DNAH10: variants seen among roughly 807,000 people sequenced by gnomAD.
DNAH10 encodes the protein axonemal beta dynein heavy chain 10.
In DNAH10, 348 loss-of-function variants were observed where a neutral mutation model predicts 506.6. The ratio of observed to expected loss-of-function variants is 0.69; its 90% CI spans 0.63 to 0.75. The LOEUF (loss-of-function observed/expected upper bound fraction) is 0.75, where lower values mean the gene tolerates loss of function less well. Ranked by LOEUF, DNAH10 falls within the 30% of genes least tolerant of loss-of-function variation. The probability of loss-of-function intolerance (pLI) is 0.00; values close to 1 mark genes in which losing one functional copy is unlikely to be tolerated. For synonymous variants in DNAH10, 2,059 were observed against 2,198.6 expected (o/e 0.94, Z 1.78); for missense variants, 5,179 against 5,787.1 (o/e 0.89, Z 3.41).
chr12:123,787,827 G>T lies in DNAH10; in HGVS notation c.1445G>T (p.Ser482Ile). The T allele has an allele frequency of 6.2e-7, 1 of 1,614,030 alleles. No homozygotes were observed. Among genetic ancestry groups the T allele is most frequent in the African/African-American group, 1.3e-5 (1 of 75,076 alleles). The change falls in exon 10 of 79, where the codon AGC becomes ATC. Residue 482 changes from serine to isoleucine, a missense_variant. This residue lies in a region of DNAH10 where 4,844 missense variants were observed against 5,430.5 expected (regional missense o/e 0.89). Coordinates refer to ENST00000673944, the MANE Select transcript of DNAH10 (RefSeq NM_001372106.1). This position sits in a 1 kb window ranked among gnomAD's most constrained non-coding sequence, Gnocchi z 4.6. ...AGAGAAAATCGAGCGAGTGCCCAAA[G>T]CAAAACCTTGGAAGCCAGGAACACC... ...LFKENRASAQ[S>I]KTLEARNTLR...
rs1360796054 is a variant in DNAH10 at position 123,881,798 on chromosome 12, C to T, written c.8808C>T (p.Phe2936=). The change falls in exon 51 of 79, where the codon TTC becomes TTT. Residue 2936 remains phenylalanine, a synonymous_variant. Coordinates refer to ENST00000673944, the MANE Select transcript of DNAH10 (RefSeq NM_001372106.1). ...AGTCTCTTTCGAGGCTGGCTGCCTTCACAGCCAGCTGTGAGGTCAGTCCAC... is the reference window on the plus strand; with the variant it reads ...AGTCTCTTTCGAGGCTGGCTGCCTTTACAGCCAGCTGTGAGGTCAGTCCAC... ...GKQSLSRLAA[F]TASCEVFEIL... 1 of 1,513,084 alleles carries T rather than the reference C, an allele frequency of 6.6e-7. No homozygotes were observed. Among genetic ancestry groups the T allele is most frequent in the Admixed American group, 2.5e-5 (1 of 40,370 alleles). The allele number at this position is 1,513,084 out of a possible 1,614,324, so 93.7% of individuals were successfully genotyped here.
In DNAH10 at chr12:123,785,893, G is replaced by A. The variant is rs778959839; in HGVS notation, c.1378G>A (p.Ala460Thr). 16 of 1,613,954 alleles carry A rather than the reference G, an allele frequency of 9.9e-6. No homozygotes were observed. Among genetic ancestry groups the A allele is most frequent in the East Asian group, 4.5e-5 (2 of 44,886 alleles). Residue 460 changes from alanine to threonine, a missense_variant, in exon 9 of 79, where the codon GCT (alanine) becomes ACT (threonine). Physicochemically the swap from Ala to Thr is moderately conservative, Grantham distance 58. This residue lies in a region of DNAH10 where 4,844 missense variants were observed against 5,430.5 expected (regional missense o/e 0.89). Coordinates refer to ENST00000673944, the MANE Select transcript of DNAH10 (RefSeq NM_001372106.1). This position sits in a 1 kb window ranked among gnomAD's most constrained non-coding sequence, Gnocchi z 4.1. ...PLMERIAWEI[A>T]ERVCRVVNLR... is the part of the protein sequence containing the mutation. ...CATGGAGCGCATCGCCTGGGAAATC[G>A]CTGAGAGAGTCTGCCGAGTGGTCAA...
intron 1 of DNAH10, among the ~76,000 whole-genome samples, chr12:123,766,908 CTTTT>C (rs374930458): frequency 7.3e-6 from 1 of 137,922 alleles, no homozygotes; most frequent in Admixed American, 7.3e-5. Flanking sequence ...TTTCTTTTTT[CTTTT>C]TTTTTTTTTT....
chr12:123,898,601 G>A, intron 55 of DNAH10, 52 bp from the exon 56 acceptor site: 1 of 1,448,844 alleles, frequency 6.9e-7, no homozygotes. Flanking sequence ...CAGTGATTGT[G>A]TTGCGAACAG....
intron 10 of DNAH10, among the ~76,000 whole-genome samples, chr12:123,788,824 G>C (rs1207447773): frequency 7.0e-6 from 1 of 142,534 alleles, no homozygotes; most frequent in East Asian, 2.1e-4. Flanking sequence ...CACTCAGAAG[G>C]CTGAGGTGGC....
chr12:123,832,968 A>C (rs752611659), intron 26 of DNAH10, 146 bp from the exon 27 acceptor site: 1 of 636,240 alleles, frequency 1.6e-6, no homozygotes, highest in Non-Finnish European at 2.8e-6. Context: ...AATTATTACC[A>C]TGACAGAATC....
intron 59 of DNAH10, among the ~76,000 whole-genome samples, chr12:123,910,918 A>G (rs1043202647): frequency 3.3e-5 from 5 of 152,054 alleles, no homozygotes; most frequent in African/African-American, 1.2e-4. Flanking sequence ...TAGTATAAAG[A>G]TGTTCAGACC....
intron 6 of DNAH10, 135 bp from the exon 7 acceptor site, chr12:123,782,972 A>G: frequency 1.5e-6 from 1 of 662,678 alleles, no homozygotes; most frequent in Non-Finnish European, 2.6e-6. Context: ...TACAGATATT[A>G]TCAGGACAGG....
rs1184727852 is a variant in DNAH10, at chr12:123,830,786, A to T, written c.4545+87A>T. 106 of 1,321,160 alleles carry T rather than the reference A, an allele frequency of 8.0e-5. 1 individual carries two copies. The highest frequency in any genetic ancestry group is 1.0e-4 in the Non-Finnish European group (100 of 1,000,890). 81.8% of individuals were successfully genotyped at this position (1,321,160 alleles called of 1,614,324 possible). On this transcript the variant is annotated intron_variant, in intron 26 of 78. Coordinates refer to ENST00000673944, the MANE Select transcript of DNAH10 (RefSeq NM_001372106.1). ...AGGGAGAACTCATCTATACTAAAAA[A>T]AAAAAAAAATTAGCTGAGCGTGGTG... is the stretch of plus-strand genomic sequence containing the variant.
chr12:123,780,717 G>T (rs1957612528), intron 5 of DNAH10, among the ~76,000 whole-genome samples: 1 of 151,372 alleles, frequency 6.6e-6, no homozygotes, highest in South Asian at 2.1e-4. Flanking sequence ...ACTTTGGGAG[G>T]CCGGGGGTGG....
In DNAH10 at chr12:123,866,022, C is replaced by T; in HGVS notation, c.7116C>T (p.Asn2372=). The T allele has an allele frequency of 6.2e-7, 1 of 1,612,226 alleles. No individual in the cohort carries two copies. The highest frequency in any genetic ancestry group is 8.5e-7 in the Non-Finnish European group (1 of 1,179,420). ...RCGMVYVDPK[N]LKYRPYWKKW... ...GAATGGTTTATGTGGATCCTAAAAA[C>T]TTGAAATATCGACCATACTGGAAAA... The change falls in exon 41 of 79, where the codon AAC becomes AAT. Residue 2372 remains asparagine, a synonymous_variant. Transcript: ENST00000673944.
intron 47 of DNAH10, among the ~76,000 whole-genome samples, chr12:123,877,362 A>C (rs1459520254): frequency 6.6e-6 from 1 of 151,928 alleles, no homozygotes; most frequent in Admixed American, 6.5e-5. Flanking sequence ...CCCAGGCTGG[A>C]GTGCAATGGC....
At chr12:123,801,244 G>A (rs1958471006) in intron 15 of DNAH10, 37 bp from the exon 16 acceptor site, 4 of 1,596,146 alleles carry the variant, frequency 2.5e-6, no homozygotes, top group Middle Eastern at 1.7e-4. Flanking sequence ...GCTTAAAGGT[G>A]CTCTCCTCAG....
At chr12:123,922,958 G>C (rs1594391904) in intron 65 of DNAH10, 1 of 152,210 alleles carries the variant, frequency 6.6e-6, no homozygotes, top group African/African-American at 2.4e-5. Context: ...GCCCTTAACA[G>C]TTGGGCAGAA....
rs372581880 is a variant in DNAH10, at chr12:123,886,480, C to T, written c.8824-662C>T. Among the ~76,000 whole-genome samples, 792 of 151,730 alleles carry T rather than the reference C, an allele frequency of 5.2e-3. 3 individuals are homozygous for T. Among genetic ancestry groups the T allele is most frequent in the African/African-American group, 9.7e-3 (402 of 41,348 alleles). ...ATCCTGGTTGCGTTGCGCGCGCGCG[C>T]GTGTGTGTGCACACGTGTGTGTGTG... is the stretch of plus-strand genomic sequence containing the variant. On this transcript the variant is annotated intron_variant, in intron 51 of 78. Coordinates refer to ENST00000673944, the MANE Select transcript of DNAH10 (RefSeq NM_001372106.1).
chr12:123,845,821 T>C lies in DNAH10; in HGVS notation c.5582T>C (p.Ile1861Thr). The change falls in exon 31 of 79, where the codon ATC becomes ACC. Residue 1861 changes from isoleucine (I) to threonine (T), a missense_variant. Physicochemically the swap from Ile to Thr is moderately conservative, Grantham distance 89 (BLOSUM62 -1). Transcript: ENST00000673944. The stretch of plus-strand genomic sequence containing the variant: ...AGGAAAAAATACAACACTGTTCTCA[T>C]CATTGATGTGCATGCCAGAGACATA... ...NDRKKYNTVL[I>T]IDVHARDIVD... is the part of the protein sequence containing the mutation. 6.2e-7 allele frequency: 1 copy of C among 1,613,980 alleles called. No individual in the cohort carries two copies.
chr12:123,845,046 C>G (rs1394178380), intron 30 of DNAH10, among the ~76,000 whole-genome samples: 1 of 152,222 alleles, frequency 6.6e-6, no homozygotes, highest in East Asian at 1.9e-4. Context: ...GGGCCTTGCT[C>G]TGTCACTCAG....
At chr12:123,888,112 GCA>G (rs1952820632) in intron 52 of DNAH10, among the ~76,000 whole-genome samples, 1 of 152,202 alleles carries the variant, frequency 6.6e-6, no homozygotes, top group East Asian at 1.9e-4. Flanking sequence ...CTCAGGAGGG[GCA>G]GGAGGATTGC....
chr12:123,821,482 C>T (rs1959397260), intron 24 of DNAH10, among the ~76,000 whole-genome samples: 1 of 152,040 alleles, frequency 6.6e-6, no homozygotes, highest in Non-Finnish European at 1.5e-5. Context: ...AGAGGTGCAC[C>T]ACCATGCCCA....
Sources: gnomAD v4.1 joint callset for allele counts (sites outside exome capture counted in the v4.1 genomes callset) on GRCh38, gnomAD v4.1.1 for gene constraint, gnomAD v4.1.1 regional missense constraint, Gnocchi (gnomAD v3.1) non-coding constraint, MANE v1.5 for transcripts, NCBI Gene and HGNC (gene_info 2026-07-23, HGNC 2026-07-21) for gene names.